Variants in COL19A1 observed in about 807,000 individuals in gnomAD.
The protein encoded by COL19A1 is collagen alpha-1(XIX) chain.
Under a neutral mutation model 190.2 loss-of-function variants are expected in COL19A1, and 159 were observed. That is an observed-to-expected ratio of 0.84 (90% confidence interval 0.73 to 0.95). The LOEUF (loss-of-function observed/expected upper bound fraction) is 0.95, where lower values mean the gene tolerates loss of function less well. COL19A1 is among the 40% of genes least tolerant of loss of function. COL19A1 has a pLI of 0.00. For missense variants in COL19A1, 1,418 were observed against 1,431.9 expected, an observed-to-expected ratio of 0.99 and a Z score of 0.16; for synonymous variants, 509 against 458.9, an observed-to-expected ratio of 1.11 and a Z score of -1.39.
chr6:70,087,760 A>G (rs1399345286), intron 15 of COL19A1, among the ~76,000 whole-genome samples: 2 of 152,186 alleles, frequency 1.3e-5, no homozygotes, highest in East Asian at 3.8e-4. Flanking sequence ...TACCAGTGCT[A>G]CCAGGGGAAG....
intron 9 of COL19A1, among the ~76,000 whole-genome samples, chr6:69,958,730 A>C (rs2066245): frequency 0.017 from 2,548 of 152,188 alleles, 76 homozygotes; most frequent in African/African-American, 0.055. Context: ...CTTTAAAATA[A>C]TATGTGTGCA....
At chr6:70,106,899 C>T (rs936814233) in intron 16 of COL19A1, among the ~76,000 whole-genome samples, 3 of 152,128 alleles carry the variant, frequency 2.0e-5, no homozygotes, top group Non-Finnish European at 2.9e-5. Context: ...GCATCTCCCT[C>T]GGGAAGGAAA....
intron 14 of COL19A1, among the ~76,000 whole-genome samples, chr6:70,037,560 T>A (rs924905305): frequency 6.6e-6 from 1 of 152,236 alleles, no homozygotes; most frequent in Admixed American, 6.5e-5. Flanking sequence ...CTAAGTTACA[T>A]GCAGTCATTT....
intron 37 of COL19A1, among the ~76,000 whole-genome samples, chr6:70,166,264 C>T (rs774052912): frequency 6.6e-6 from 1 of 152,080 alleles, no homozygotes; most frequent in Admixed American, 6.6e-5. Flanking sequence ...TGGCTCGGGG[C>T]CCCTGGGAAA....
chr6:69,962,958 T>C, intron 11 of COL19A1, 88 bp downstream of exon 11: 2 of 1,017,056 alleles, frequency 2.0e-6, no homozygotes, highest in South Asian at 3.1e-5. Flanking sequence ...GTTTTGTGCA[T>C]TCCCTATAAG....
chr6:70,087,356 G>T (rs953026460), intron 15 of COL19A1, among the ~76,000 whole-genome samples: 1 of 152,140 alleles, frequency 6.6e-6, no homozygotes, highest in African/African-American at 2.4e-5. Context: ...GCTGACCGTG[G>T]AGCAAAGATC....
chr6:70,138,813 A>T (rs1234482132), intron 19 of COL19A1, among the ~76,000 whole-genome samples: 1 of 152,078 alleles, frequency 6.6e-6, no homozygotes, highest in East Asian at 1.9e-4. Context: ...TTACACAACT[A>T]CAGGATTTGG....
At chr6:70,177,610 G>C (rs1446773933) in intron 42 of COL19A1, among the ~76,000 whole-genome samples, 1 of 152,220 alleles carries the variant, frequency 6.6e-6, no homozygotes, top group Admixed American at 6.5e-5. Flanking sequence ...TCTTTGGAAA[G>C]CTCTTCCAAA....
intron 12 of COL19A1, among the ~76,000 whole-genome samples, chr6:70,031,318 T>C (rs1344021076): frequency 6.6e-6 from 1 of 152,034 alleles, no homozygotes; most frequent in Non-Finnish European, 1.5e-5. Context: ...CAAATCAGGA[T>C]GTTTAGGTTG....
At position 70,140,980 on chromosome 6, in the gene COL19A1, A is replaced by C; in HGVS notation, c.1473A>C (p.Lys491Asn). The C allele has an allele frequency of 6.2e-7, 1 of 1,608,970 alleles. No individual in the cohort carries two copies. The highest frequency in any genetic ancestry group is 8.5e-7 in the Non-Finnish European group (1 of 1,176,378). Residue 491 changes from lysine (K) to asparagine (N), a missense_variant, in exon 20 of 51, where the codon AAA (lysine) becomes AAC (asparagine). Physicochemically the swap from Lys to Asn is moderately conservative, Grantham distance 94 (BLOSUM62 0). Coordinates refer to ENST00000620364, the MANE Select transcript of COL19A1 (RefSeq NM_001858.6). Reference protein sequence around the residue: ...EPGEPFTKGEKGDRGEPGVIG... With the variant: ...EPGEPFTKGENGDRGEPGVIG... The stretch of plus-strand genomic sequence containing the variant: ...GAGAGCCTTTTACAAAAGGAGAAAA[A>C]GGAGATAGAGTAAGTAGATATTTTA...
chr6:69,944,787 T>C (rs1246474665), intron 9 of COL19A1, among the ~76,000 whole-genome samples: 1 of 152,068 alleles, frequency 6.6e-6, no homozygotes, highest in East Asian at 1.9e-4. Context: ...TTTTAAGTAC[T>C]ACTGCTTGTA....
chr6:69,936,190 C>A (rs1326493012), intron 7 of COL19A1, among the ~76,000 whole-genome samples: 2 of 152,090 alleles, frequency 1.3e-5, no homozygotes, highest in African/African-American at 4.8e-5. Flanking sequence ...CTTTGTCCAG[C>A]ATGCTCTGAA....
chr6:70,168,134 CT>C (rs1473959558), intron 38 of COL19A1, 36 bp from the exon 39 acceptor site: 4 of 1,608,288 alleles, frequency 2.5e-6, no homozygotes, highest in Non-Finnish European at 3.4e-6. Context: ...TTCGTCTCAT[CT>C]TTCTCTTTTT....
Position 70,210,148 on chromosome 6 carries a change from G to T in COL19A1, c.*2874G>T, listed in dbSNP as rs989807390. Among the ~76,000 whole-genome samples, 1 of 152,194 alleles carries T rather than the reference G, an allele frequency of 6.6e-6. No individual in the cohort carries two copies. The highest frequency in any genetic ancestry group is 2.1e-4 in the South Asian group (1 of 4,824). ...ACATGTTTAAATACAAAATAATTAT[G>T]GGCCATGACGACGATTAATATTAAA... On this transcript the variant is annotated 3_prime_UTR_variant, in exon 51 of 51. Coordinates refer to ENST00000620364, the MANE Select transcript of COL19A1 (RefSeq NM_001858.6).
chr6:69,952,491 AAAAT>A (rs1774183067), intron 9 of COL19A1, among the ~76,000 whole-genome samples: 1 of 144,562 alleles, frequency 6.9e-6, no homozygotes, highest in Admixed American at 6.8e-5. Context: ...ATAAAAATAT[AAAAT>A]AAATCAACCT....
At chr6:69,899,448 C>G (rs1402711940) in intron 3 of COL19A1, among the ~76,000 whole-genome samples, 1 of 151,856 alleles carries the variant, frequency 6.6e-6, no homozygotes, top group Non-Finnish European at 1.5e-5. Flanking sequence ...CCACCATGCC[C>G]GACCCATAAA....
intron 9 of COL19A1, among the ~76,000 whole-genome samples, chr6:69,940,624 A>G (rs1299877402): frequency 6.6e-6 from 1 of 152,190 alleles, no homozygotes; most frequent in Non-Finnish European, 1.5e-5. Context: ...AAATTCCATG[A>G]TAATTCATAA....
chr6:70,071,797 G>A (rs1442990680), intron 15 of COL19A1, among the ~76,000 whole-genome samples: 2 of 152,048 alleles, frequency 1.3e-5, no homozygotes, highest in African/African-American at 4.8e-5. Flanking sequence ...CCATCATGAG[G>A]CAGAAAAAGG....
Position 70,146,803 on chromosome 6 carries a change from AT to A in COL19A1, c.1816-6del. The A allele has an allele frequency of 6.3e-7, 1 of 1,592,656 alleles. No individual in the cohort carries two copies. On this transcript the variant is annotated splice_polypyrimidine_tract_variant and splice_region_variant and intron_variant, in intron 26 of 50. Coordinates refer to ENST00000620364, the MANE Select transcript of COL19A1 (RefSeq NM_001858.6). ...AGCCTTGCAGTAACAGAAGCCTTTC[AT>A]TTCACAGGGTGAAAGAGGACTTCCA...
Sources: gnomAD v4.1 joint callset for allele counts (sites outside exome capture counted in the v4.1 genomes callset) on GRCh38, gnomAD v4.1.1 for gene constraint, MANE v1.5 for transcripts, NCBI Gene and HGNC (gene_info 2026-07-23, HGNC 2026-07-21) for gene names.